The following IFT43 variants were observed in gnomAD, a reference collection of about 807,000 sequenced individuals.
The protein encoded by IFT43 is intraflagellar transport 43.
IFT43 carries 33 observed loss-of-function variants against 32.3 expected under a neutral mutation model. The ratio of observed to expected loss-of-function variants is 1.02; its 90% CI spans 0.77 to 1.37. The LOEUF (loss-of-function observed/expected upper bound fraction) is 1.37. Ranked by LOEUF, IFT43 falls within the 40% of genes most tolerant of loss-of-function variation. The probability of loss-of-function intolerance (pLI) is 0.00; values close to 1 mark genes in which losing one functional copy is unlikely to be tolerated. For missense variants in IFT43, 274 were observed against 265.9 expected (o/e 1.03, Z -0.21); for synonymous variants, 93 against 98.2 (o/e 0.95, Z 0.31).
intron 3 of IFT43, among the ~76,000 whole-genome samples, chr14:76,036,480 ACT>A (rs1466763919): frequency 7.6e-6 from 1 of 131,556 alleles, no homozygotes; most frequent in Non-Finnish European, 1.6e-5. Context: ...ATCTCGGCTC[ACT>A]GAGTCTCCGC....
At chr14:76,049,809 A>G (rs1566725025) in intron 3 of IFT43, among the ~76,000 whole-genome samples, 1 of 152,026 alleles carries the variant, frequency 6.6e-6, no homozygotes, top group African/African-American at 2.4e-5. Flanking sequence ...TGAGGTCTCT[A>G]TATGTGGGCA....
At chr14:76,058,449 T>A (rs2037067139) in intron 3 of IFT43, 193 bp from the exon 4 acceptor site, 1 of 565,890 alleles carries the variant, frequency 1.8e-6, no homozygotes, top group Non-Finnish European at 3.1e-6. Context: ...GACATAAAGC[T>A]GTAAGAAGGC....
chr14:76,027,451 A>G (rs1475506594), intron 3 of IFT43, among the ~76,000 whole-genome samples: 3 of 152,102 alleles, frequency 2.0e-5, no homozygotes, highest in Non-Finnish European at 4.4e-5. Flanking sequence ...GGCCGGGCGC[A>G]GTGGCTCACG....
chr14:76,014,955 T>A (rs2036156444), intron 2 of IFT43, among the ~76,000 whole-genome samples: 1 of 152,188 alleles, frequency 6.6e-6, no homozygotes, highest in African/African-American at 2.4e-5. Context: ...AAGCCTGACA[T>A]CCAATTACGT....
intron 5 of IFT43, among the ~76,000 whole-genome samples, chr14:76,065,561 G>T (rs987300147): frequency 6.6e-6 from 1 of 151,792 alleles, no homozygotes; most frequent in Non-Finnish European, 1.5e-5. Context: ...AGAGTAGCTT[G>T]TGGTTTCTAG....
chr14:76,042,492 T>C (rs1187676049), intron 3 of IFT43, among the ~76,000 whole-genome samples: 1 of 152,074 alleles, frequency 6.6e-6, no homozygotes, highest in Non-Finnish European at 1.5e-5. Flanking sequence ...GTTCAGCTTG[T>C]GAGAATAATA....
At chr14:75,986,346 C>A in intron 1 of IFT43, 1 of 1,161,534 alleles carries the variant, frequency 8.6e-7, no homozygotes, top group Non-Finnish European at 1.1e-6. Flanking sequence ...ACCTCAGTTA[C>A]CTCAGTAGTT....
chr14:76,029,212 A>T lies in IFT43; in HGVS notation c.215+6818A>T, dbSNP rs574110205. Among the ~76,000 whole-genome samples, 15 of 152,256 alleles carry T rather than the reference A, an allele frequency of 9.9e-5. No individual in the cohort carries two copies. The South Asian group carries it at 3.1e-3, about 32-fold the overall frequency. Reference sequence around the variant, plus strand: ...TGTGGCTTCAATTTGCATTTCTCTGATAGTGATGTTAAGCATTTATTCATA... The same window carrying T: ...TGTGGCTTCAATTTGCATTTCTCTGTTAGTGATGTTAAGCATTTATTCATA... On this transcript the variant is annotated intron_variant, in intron 3 of 8. Coordinates refer to ENST00000314067, the MANE Select transcript of IFT43 (RefSeq NM_001102564.3).
chr14:76,034,787 G>T (rs549805109), intron 3 of IFT43, among the ~76,000 whole-genome samples: 2 of 152,326 alleles, frequency 1.3e-5, no homozygotes, highest in South Asian at 4.1e-4. Flanking sequence ...TTCAGGAATT[G>T]CCTGGGGCCT....
rs553142915 is a variant in IFT43 at position 76,044,644 on chromosome 14, C to T, written c.216-13998C>T. ...CTGGTACCAGCCTCCATCCTGAGAC[C>T]ATCCAGGAGTCCCCCCATTCATCTA... On this transcript the variant is annotated intron_variant, in intron 3 of 8. Transcript: ENST00000314067. Among the ~76,000 whole-genome samples the T allele has an allele frequency of 1.2e-4, 19 of 152,290 alleles. No individual in the cohort carries two copies. The South Asian group carries it at 3.5e-3, about 28-fold the overall frequency.
intron 2 of IFT43, among the ~76,000 whole-genome samples, chr14:75,999,509 A>T (rs1450714511): frequency 6.6e-6 from 1 of 151,852 alleles, no homozygotes; most frequent in Non-Finnish European, 1.5e-5. Context: ...TTTAATATAC[A>T]CTTTCTGATA....
At chr14:75,988,787 G>A (rs1312216785) in intron 1 of IFT43, 98 bp from the exon 2 acceptor site, 1 of 1,590,018 alleles carries the variant, frequency 6.3e-7, no homozygotes, top group African/African-American at 1.3e-5. Flanking sequence ...CAAAGTGCTG[G>A]GATTGCAGCT....
Position 75,996,814 on chromosome 14 carries a change from C to T in IFT43, c.147+7837C>T, listed in dbSNP as rs112839751. 5.5e-4 allele frequency among the ~76,000 whole-genome samples: 83 copies of T among 152,292 alleles called. 1 individual carries two copies. The highest frequency in any genetic ancestry group is 2.0e-3 in the African/African-American group (82 of 41,546). Reference sequence around the variant, plus strand: ...AGAAAATGAAGAGGGCAGGAGTGACCTTGGTGACCTCAGTTACCTTGGAAA... The same window carrying T: ...AGAAAATGAAGAGGGCAGGAGTGACTTTGGTGACCTCAGTTACCTTGGAAA... On this transcript the variant is annotated intron_variant, in intron 2 of 8. Transcript: ENST00000314067.
At chr14:76,050,321 T>C (rs1404364581) in intron 3 of IFT43, among the ~76,000 whole-genome samples, 1 of 152,184 alleles carries the variant, frequency 6.6e-6, no homozygotes, top group Non-Finnish European at 1.5e-5. Context: ...GGAGCCTTCA[T>C]TAGATCTCTT....
At chr14:76,076,065 C>G (rs2037406740) in intron 5 of IFT43, among the ~76,000 whole-genome samples, 1 of 152,160 alleles carries the variant, frequency 6.6e-6, no homozygotes, top group Non-Finnish European at 1.5e-5. Context: ...GGTTGTTGAA[C>G]TTGGCTGTGT....
chr14:76,039,458 C>T (rs554312643), intron 3 of IFT43, among the ~76,000 whole-genome samples: 1 of 152,240 alleles, frequency 6.6e-6, no homozygotes, highest in Non-Finnish European at 1.5e-5. Flanking sequence ...TTGTGCCTGG[C>T]CTGCCTTTTT....
rs557807920 is a variant in IFT43 at position 76,022,381 on chromosome 14, G to A, written c.202G>A (p.Val68Met). The A allele has an allele frequency of 1.1e-5, 18 of 1,608,528 alleles. No individual in the cohort carries two copies. Among genetic ancestry groups the A allele is most frequent in the Non-Finnish European group, 1.4e-5 (16 of 1,175,134 alleles). The change falls in exon 3 of 9, where the codon GTG (valine) becomes ATG (methionine). Residue 68 changes from valine (V) to methionine (M), a missense_variant. Val to Met is a conservative substitution (Grantham distance 21, BLOSUM62 1). Transcript: ENST00000314067. ...ACAGGGAGGCTGGGCAGGTGATTCC[G>A]TGAAGGCTTCGAAGTGAGTACCAGC... Reference protein sequence around the residue: ...CRQGGWAGDSVKASKFRRKAS... With the variant: ...CRQGGWAGDSMKASKFRRKAS...
chr14:75,985,958 G>C, intron 1 of IFT43, 118 bp downstream of exon 1: 1 of 1,538,928 alleles, frequency 6.5e-7, no homozygotes, highest in Non-Finnish European at 8.7e-7. Flanking sequence ...CGCGCCGGGT[G>C]AGGCCCAGAA....
At chr14:76,058,223 C>A (rs973247381) in intron 3 of IFT43, 1 of 262,020 alleles carries the variant, frequency 3.8e-6, no homozygotes, top group Admixed American at 5.1e-5. Context: ...AACTGCGAGG[C>A]GAGGACATCC....
Sources: allele counts gnomAD v4.1 joint callset (sites outside exome capture counted in the v4.1 genomes callset), GRCh38; gene constraint gnomAD v4.1.1; transcripts MANE v1.5; gene names NCBI Gene and HGNC (gene_info 2026-07-23, HGNC 2026-07-21).